Variants in CELF1 observed in about 807,000 individuals in gnomAD.
CELF1 encodes the protein CUGBP Elav-like family member 1.
Under a neutral mutation model 61.8 loss-of-function variants are expected in CELF1, and 10 were observed. The observed-to-expected ratio is 0.16, with a 90% CI of 0.10 to 0.27. The LOEUF (loss-of-function observed/expected upper bound fraction) is 0.27. Among genes scored for constraint, CELF1 ranks in the 10% least tolerant of loss-of-function variants. CELF1 has a pLI of 1.00. For synonymous variants in CELF1, 236 were observed against 225.1 expected (o/e 1.05, Z -0.43); for missense variants, 380 against 639.1 (o/e 0.59, Z 4.37).
At position 47,484,613 on chromosome 11, in the gene CELF1, T is replaced by A. The variant is rs566572749; in HGVS notation, c.392-90A>T. The A allele has an allele frequency of 1.1e-5, 12 of 1,076,870 alleles. No homozygotes were observed. The South Asian group carries it at 1.6e-4, about 14-fold the overall frequency. 66.7% of individuals were successfully genotyped at this position (1,076,870 alleles called of 1,614,324 possible). ...GGGAGCCAGACCGCCTGGGTTTGAA[T>A]CCTGGCTCTGTACCATATTTTACAG... On this transcript the variant is annotated intron_variant, in intron 6 of 14. Coordinates refer to ENST00000687097, the MANE Select transcript of CELF1 (RefSeq NM_001376376.1).
chr11:47,490,873 T>C (rs530573544), intron 3 of CELF1, among the ~76,000 whole-genome samples: 2 of 151,908 alleles, frequency 1.3e-5, no homozygotes, highest in African/African-American at 4.8e-5. Context: ...TTCTTTTTTT[T>C]TTTTTTGAAA....
intron 2 of CELF1, among the ~76,000 whole-genome samples, chr11:47,559,227 C>G (rs2097218500): frequency 6.6e-6 from 1 of 151,464 alleles, no homozygotes. Flanking sequence ...TCCTGAGTAG[C>G]TGGGACTACA....
At chr11:47,543,780 T>G (rs1191989714) in intron 1 of CELF1, among the ~76,000 whole-genome samples, 1 of 152,140 alleles carries the variant, frequency 6.6e-6, no homozygotes, top group Non-Finnish European at 1.5e-5. Flanking sequence ...AAGAAAGCTG[T>G]TTTCGGCAAA....
At chr11:47,558,607 A>T (rs1286384886) in intron 2 of CELF1, among the ~76,000 whole-genome samples, 50 of 108,604 alleles carry the variant, frequency 4.6e-4, no homozygotes, top group African/African-American at 1.6e-3. Flanking sequence ...TATATGTATA[A>T]AATATGTGCA....
intron 1 of CELF1, among the ~76,000 whole-genome samples, chr11:47,517,141 G>A (rs1345317246): frequency 6.6e-6 from 1 of 151,714 alleles, no homozygotes; most frequent in Non-Finnish European, 1.5e-5. Context: ...CAGTTACTTG[G>A]GAAGCTGAGG....
chr11:47,536,836 A>G (rs2096642127), intron 1 of CELF1, among the ~76,000 whole-genome samples: 1 of 152,224 alleles, frequency 6.6e-6, no homozygotes, highest in African/African-American at 2.4e-5. Flanking sequence ...ACGCAATAAA[A>G]ACAATGAATA....
intron 1 of CELF1, among the ~76,000 whole-genome samples, chr11:47,537,245 A>ATTTT (rs544458768): frequency 7.5e-6 from 1 of 134,104 alleles, no homozygotes; most frequent in African/African-American, 2.8e-5. Flanking sequence ...TACCATACAA[A>ATTTT]TTTTTTTTTT....
At chr11:47,501,695 C>T (rs1010297511) in intron 1 of CELF1, among the ~76,000 whole-genome samples, 4 of 151,952 alleles carry the variant, frequency 2.6e-5, no homozygotes, top group South Asian at 2.1e-4. Flanking sequence ...AGGTGGCACA[C>T]GCCTGTAACC....
chr11:47,498,359 T>G (rs2093462317), intron 3 of CELF1, among the ~76,000 whole-genome samples: 1 of 152,140 alleles, frequency 6.6e-6, no homozygotes, highest in African/African-American at 2.4e-5. Context: ...GAACTGTGAC[T>G]GTGCCACTGC....
At chr11:47,534,020 TC>T (rs1184057390) in intron 1 of CELF1, among the ~76,000 whole-genome samples, 142 of 120,822 alleles carry the variant, frequency 1.2e-3, no homozygotes, top group African/African-American at 3.8e-3. Context: ...ATTTTTTCTT[TC>T]CTTTTTTTTT....
chr11:47,494,872 T>C (rs1415400319), intron 3 of CELF1, among the ~76,000 whole-genome samples: 1 of 152,238 alleles, frequency 6.6e-6, no homozygotes, highest in Non-Finnish European at 1.5e-5. Flanking sequence ...ACTTGCCACA[T>C]GTGGCTAGTG....
chr11:47,553,044 AGCC>A lies in CELF1; in HGVS notation c.-209_-207del, dbSNP rs897963358. The A allele has an allele frequency of 2.0e-4, 81 of 398,748 alleles. No individual in the cohort carries two copies. The highest frequency in any genetic ancestry group is 6.3e-4 in the Middle Eastern group (1 of 1,590). 24.7% of individuals were successfully genotyped at this position (398,748 alleles called of 1,614,324 possible). A position where few individuals can be genotyped will look rare whatever the true frequency, so the allele number is the denominator to read the frequency against. Reference sequence around the variant, plus strand: ...CCTCAGTTGCTGCCTGCGCCTCCGCAGCCGCCGCCGCCGCCTCGCTGCTGAGGC... The same window carrying A: ...CCTCAGTTGCTGCCTGCGCCTCCGCAGCCGCCGCCGCCTCGCTGCTGAGGC... On this transcript the variant is annotated 5_prime_UTR_variant, in exon 1 of 15. Coordinates refer to ENST00000687097, the MANE Select transcript of CELF1 (RefSeq NM_001376376.1).
At chr11:47,514,685 A>C (rs1458568553) in intron 1 of CELF1, among the ~76,000 whole-genome samples, 31 of 110,180 alleles carry the variant, frequency 2.8e-4, no homozygotes, top group African/African-American at 1.0e-3. Flanking sequence ...GCAAGACCCT[A>C]TCTCTACAAA....
intron 1 of CELF1, among the ~76,000 whole-genome samples, chr11:47,537,854 T>C (rs1046895784): frequency 1.3e-5 from 2 of 152,134 alleles, no homozygotes; most frequent in African/African-American, 4.8e-5. Flanking sequence ...TGCACAGCAC[T>C]GGGTTTAGTA....
At chr11:47,550,838 T>C (rs973491386) in intron 1 of CELF1, among the ~76,000 whole-genome samples, 1 of 152,146 alleles carries the variant, frequency 6.6e-6, no homozygotes, top group Non-Finnish European at 1.5e-5. Flanking sequence ...TAATACCATG[T>C]GAGACAGATG....
intron 9 of CELF1, 179 bp downstream of exon 9, chr11:47,482,516 A>C: frequency 2.0e-6 from 1 of 509,798 alleles, no homozygotes; most frequent in Non-Finnish European, 3.4e-6. Context: ...AGAGATACAT[A>C]TATATAGAGA....
chr11:47,558,572 T>C (rs2097213798), intron 2 of CELF1, among the ~76,000 whole-genome samples: 1 of 113,706 alleles, frequency 8.8e-6, no homozygotes, highest in South Asian at 2.3e-4. Flanking sequence ...ATATAATATA[T>C]AAATATATAT....
intron 1 of CELF1, among the ~76,000 whole-genome samples, chr11:47,509,897 C>A (rs1429882983): frequency 7.3e-4 from 100 of 136,362 alleles, no homozygotes; most frequent in Admixed American, 7.4e-4. Flanking sequence ...TGTGGTGTCT[C>A]AAAAAAAAAA....
chr11:47,521,933 CG>C (rs1236788416), intron 1 of CELF1, among the ~76,000 whole-genome samples: 1 of 147,570 alleles, frequency 6.8e-6, no homozygotes, highest in African/African-American at 2.5e-5. Flanking sequence ...TTTTTTGACA[CG>C]GGTTTTGCTC....
Sources: allele counts gnomAD v4.1 joint callset (sites outside exome capture counted in the v4.1 genomes callset), GRCh38; gene constraint gnomAD v4.1.1; transcripts MANE v1.5; gene names NCBI Gene and HGNC (gene_info 2026-07-23, HGNC 2026-07-21).